The following GPC4 variants were observed in gnomAD, a reference collection of about 807,000 sequenced individuals.
GPC4 encodes the protein glypican-4.
Under a neutral mutation model 35.0 loss-of-function variants are expected in GPC4, and 10 were observed. That is an observed-to-expected ratio of 0.29 (90% confidence interval 0.18 to 0.48). GPC4 has a LOEUF of 0.48. Among genes scored for constraint, GPC4 ranks in the 20% least tolerant of loss-of-function variants. The probability of loss-of-function intolerance (pLI) is 0.99; values close to 1 mark genes in which losing one functional copy is unlikely to be tolerated. For synonymous variants in GPC4, 167 were observed against 170.2 expected, an observed-to-expected ratio of 0.98 and a Z score of 0.15; for missense variants, 322 against 451.3, an observed-to-expected ratio of 0.71 and a Z score of 2.60.
chrX:133,336,808 T>C (rs781770546), intron 2 of GPC4, among the ~76,000 whole-genome samples: 1 of 110,239 alleles, frequency 9.1e-6, no homozygotes, highest in Admixed American at 9.7e-5. Flanking sequence ...TATTTTATGT[T>C]ATATTATATT....
At chrX:133,363,649 A>C (rs2068578252) in intron 1 of GPC4, among the ~76,000 whole-genome samples, 1 of 111,177 alleles carries the variant, frequency 9.0e-6, no homozygotes, top group East Asian at 2.8e-4. Flanking sequence ...CCCTCTCCAG[A>C]AATTGCCCCC....
At chrX:133,353,492 G>A (rs779462656) in intron 1 of GPC4, among the ~76,000 whole-genome samples, 11 of 111,779 alleles carry the variant, frequency 9.8e-5, no homozygotes, top group Non-Finnish European at 1.3e-4. Context: ...TGCTCATTCC[G>A]TTACTTCAAT....
intron 1 of GPC4, among the ~76,000 whole-genome samples, chrX:133,394,704 G>A (rs1299749612): frequency 9.0e-6 from 1 of 111,374 alleles, no homozygotes; most frequent in Non-Finnish European, 1.9e-5. Context: ...CAGAGACTAA[G>A]AGATATGAAC....
chrX:133,376,733 G>T (rs959604661), intron 1 of GPC4, among the ~76,000 whole-genome samples: 1 of 112,023 alleles, frequency 8.9e-6, no homozygotes, highest in Non-Finnish European at 1.9e-5. Flanking sequence ...CTTGTGAGCT[G>T]GTTCTCTGGA....
intron 1 of GPC4, among the ~76,000 whole-genome samples, chrX:133,351,060 A>G (rs2068513993): frequency 8.9e-6 from 1 of 112,734 alleles, no homozygotes; most frequent in Non-Finnish European, 1.9e-5. Flanking sequence ...CCTGGGCCAC[A>G]TGCCCTACAA....
chrX:133,410,584 C>A (rs752471607), intron 1 of GPC4, among the ~76,000 whole-genome samples: 54 of 111,870 alleles, frequency 4.8e-4, no homozygotes, highest in Non-Finnish European at 9.0e-4. Context: ...CATTGGGGAG[C>A]CAGAGAGACT....
rs767989952 is a variant in GPC4, at chrX:133,371,704, G to A, written c.161-32363C>T. Among the ~76,000 whole-genome samples, 16 of 111,707 alleles carry A rather than the reference G, an allele frequency of 1.4e-4. No homozygotes were observed. The South Asian group carries it at 2.2e-3, about 16-fold the overall frequency. On this transcript the variant is annotated intron_variant, in intron 1 of 8. Coordinates refer to ENST00000370828, the MANE Select transcript of GPC4 (RefSeq NM_001448.3). ...AGTTGATTTCTCTTTGTCCAAATTC[G>A]TTAATATAAATATAACAAACCTTAG...
rs769740764 is a variant in GPC4, at chrX:133,329,499, C to T, written c.320-4963G>A. 2.7e-5 allele frequency among the ~76,000 whole-genome samples: 3 copies of T among 111,500 alleles called. No homozygotes were observed. In the East Asian group the frequency reaches 8.5e-4, roughly 32 times the overall value. ...GGAACTGTTTATCCTAAGGGAAATG[C>T]TTAATGGTTCTACCTTTAAAGGTTG... On this transcript the variant is annotated intron_variant, in intron 2 of 8. Transcript: ENST00000370828.
At chrX:133,414,655 C>A (rs899961954) in intron 1 of GPC4, 151 bp downstream of exon 1, 7 of 1,096,737 alleles carry the variant, frequency 6.4e-6, no homozygotes, top group Non-Finnish European at 8.3e-6. Context: ...CTGGCTCTCT[C>A]GCTCGCTCGC....
In GPC4 at chrX:133,300,915, G is replaced by T. The variant is rs2068264901; in HGVS notation, c.*1952C>A. 9.0e-6 allele frequency: 1 copy of T among 111,340 alleles called. No individual in the cohort carries two copies. The highest frequency in any genetic ancestry group is 1.9e-5 in the Non-Finnish European group (1 of 53,085). The allele number at this position is 111,340 out of a possible 1,213,427, so 9.2% of individuals were successfully genotyped here. A position where few individuals can be genotyped will look rare whatever the true frequency, so the allele number is the denominator to read the frequency against. On this transcript the variant is annotated 3_prime_UTR_variant, in exon 9 of 9. Coordinates refer to ENST00000370828, the MANE Select transcript of GPC4 (RefSeq NM_001448.3). The stretch of plus-strand genomic sequence containing the variant: ...TACTAAGTATCAGCACATTTTCCAA[G>T]TTCTCACAAGGCCCCTTAGCTATTT...
intron 2 of GPC4, among the ~76,000 whole-genome samples, chrX:133,327,122 G>A (rs2068397418): frequency 8.9e-6 from 1 of 112,545 alleles, no homozygotes; most frequent in Non-Finnish European, 1.9e-5. Context: ...GATTCCAACA[G>A]CTACCACATG....
At position 133,302,887 on chromosome X, in the gene GPC4, T is replaced by A. The variant is rs1466815476; in HGVS notation, c.1651A>T (p.Met551Leu). Residue 551 changes from methionine to leucine, a missense_variant, in exon 9 of 9, where the codon ATG (methionine) becomes TTG (leucine). This residue lies in a region of GPC4 where 99 missense variants were observed against 110.0 expected (regional missense o/e 0.90). Transcript: ENST00000370828. ...GAGAATTATCTCCACTCTCTCTGCATAACCAGGAACAAGATGCAGAAGACA... is the reference window on the plus strand; with the variant it reads ...GAGAATTATCTCCACTCTCTCTGCAAAACCAGGAACAAGATGCAGAAGACA... Reference protein sequence around the residue: ...LTVFCILFLVMQREWR With the variant: ...LTVFCILFLVLQREWR 2 of 1,211,333 alleles carry A rather than the reference T, an allele frequency of 1.7e-6. No homozygotes were observed. The highest frequency in any genetic ancestry group is 5.9e-5 in the East Asian group (2 of 33,842).
intron 1 of GPC4, among the ~76,000 whole-genome samples, chrX:133,377,877 CTT>C (rs59474368): frequency 4.2e-4 from 36 of 86,154 alleles, no homozygotes; most frequent in Admixed American, 2.5e-3. Flanking sequence ...TTTTCTTTTT[CTT>C]TTTTTTTTTC....
At chrX:133,362,050 T>C (rs1327445575) in intron 1 of GPC4, among the ~76,000 whole-genome samples, 1 of 109,584 alleles carries the variant, frequency 9.1e-6, no homozygotes, top group African/African-American at 3.3e-5. Context: ...CTCGTCTCTA[T>C]ATAAAACTTA....
rs757551738 is a variant in GPC4 at position 133,339,419 on chromosome X, A to G, written c.161-78T>C. ...AGAGGGAAAGGTTTGATTTAGGTTC[A>G]TTTCAACCTGTGAGGCTCCTGCAAA... is the stretch of plus-strand genomic sequence containing the variant. On this transcript the variant is annotated intron_variant, in intron 1 of 8. Coordinates refer to ENST00000370828, the MANE Select transcript of GPC4 (RefSeq NM_001448.3). The G allele has an allele frequency of 6.2e-6, 6 of 963,657 alleles. No individual in the cohort carries two copies. In the African/African-American group the frequency reaches 9.6e-5, roughly 15 times the overall value. The allele number at this position is 963,657 out of a possible 1,213,427, so 79.4% of individuals were successfully genotyped here.
chrX:133,324,550 C>CAAAA lies in GPC4; in HGVS notation c.320-18_320-15dup, dbSNP rs57898529. On this transcript the variant is annotated splice_polypyrimidine_tract_variant and intron_variant, in intron 2 of 8. Transcript: ENST00000370828. Reference sequence around the variant, plus strand: ...CTTTGAAGAATTCTGAAACCAACACCAAAAAAAAAAAAAAAAAAAGGAAAA... The same window carrying CAAAA: ...CTTTGAAGAATTCTGAAACCAACACCAAAAAAAAAAAAAAAAAAAAAAAGGAAAA... 13 of 807,434 alleles carry CAAAA rather than the reference C, an allele frequency of 1.6e-5. No homozygotes were observed. The highest frequency in any genetic ancestry group is 2.7e-5 in the African/African-American group (1 of 37,077). The allele number at this position is 807,434 out of a possible 1,213,427, so 66.5% of individuals were successfully genotyped here.
At chrX:133,414,218 ACTC>A (rs2124190995) in intron 1 of GPC4, among the ~76,000 whole-genome samples, 1 of 109,622 alleles carries the variant, frequency 9.1e-6, no homozygotes, top group East Asian at 2.9e-4. Context: ...GGCTACTAAA[ACTC>A]CTAATCCTTG....
chrX:133,303,486 T>C, intron 7 of GPC4, 145 bp from the exon 8 acceptor site: 2 of 460,199 alleles, frequency 4.3e-6, no homozygotes, highest in Admixed American at 4.3e-5. Flanking sequence ...ATTCTAGTAT[T>C]TCCACTAAGC....
In GPC4 at chrX:133,301,122, A is replaced by G. The variant is rs1175206177; in HGVS notation, c.*1745T>C. 1.8e-5 allele frequency: 2 copies of G among 112,626 alleles called. No homozygotes were observed. The highest frequency in any genetic ancestry group is 1.9e-4 in the Admixed American group (2 of 10,560). The allele number at this position is 112,626 out of a possible 1,213,427, so 9.3% of individuals were successfully genotyped here. On this transcript the variant is annotated 3_prime_UTR_variant, in exon 9 of 9. Coordinates refer to ENST00000370828, the MANE Select transcript of GPC4 (RefSeq NM_001448.3). ...AAGCCTCTGTTTACAACAGCCCCCAATATTCCATTTTGACCACTCTGCAGA... is the reference window on the plus strand; with the variant it reads ...AAGCCTCTGTTTACAACAGCCCCCAGTATTCCATTTTGACCACTCTGCAGA...
Sources: allele counts gnomAD v4.1 joint callset (sites outside exome capture counted in the v4.1 genomes callset), GRCh38; gene constraint gnomAD v4.1.1; regional missense constraint gnomAD v4.1.1; transcripts MANE v1.5; gene names NCBI Gene and HGNC (gene_info 2026-07-23, HGNC 2026-07-21).